Variants in PYGO1 observed in about 807,000 individuals in gnomAD.
The protein encoded by PYGO1 is pygopus homolog 1.
Under a neutral mutation model 29.5 loss-of-function variants are expected in PYGO1, and 6 were observed. That is an observed-to-expected ratio of 0.20 (90% CI 0.11 to 0.40). The LOEUF (loss-of-function observed/expected upper bound fraction) is 0.40, where lower values mean the gene tolerates loss of function less well. PYGO1 is among the 10% of genes least tolerant of loss of function. The probability of loss-of-function intolerance (pLI) is 1.00; values close to 1 mark genes in which losing one functional copy is unlikely to be tolerated. For missense variants in PYGO1, 515 were observed against 514.9 expected (o/e 1.00, Z 0.00); for synonymous variants, 186 against 180.5 (o/e 1.03, Z -0.24).
chr15:55,539,631 CATAAA>C lies in PYGO1; in HGVS notation c.*6387_*6391del, dbSNP rs1449433391. On this transcript the variant is annotated 3_prime_UTR_variant, in exon 3 of 3. Transcript: ENST00000563719. ...CTAACATGTAATACTAAATTTTTAA[CATAAA>C]ATATAGAACTATGAAAATTTTGGGC... is the stretch of plus-strand genomic sequence containing the variant. The C allele has an allele frequency of 1.3e-5, 2 of 151,854 alleles. No homozygotes were observed. Among genetic ancestry groups the C allele is most frequent in the Non-Finnish European group, 2.9e-5 (2 of 67,858 alleles). 9.4% of individuals were successfully genotyped at this position (151,854 alleles called of 1,614,324 possible).
chr15:55,544,383 G>C lies in PYGO1; in HGVS notation c.*1640C>G, dbSNP rs966787105. 2 of 152,036 alleles carry C rather than the reference G, an allele frequency of 1.3e-5. No individual in the cohort carries two copies. The highest frequency in any genetic ancestry group is 4.8e-5 in the African/African-American group (2 of 41,386). 9.4% of individuals were successfully genotyped at this position (152,036 alleles called of 1,614,324 possible). A position where few individuals can be genotyped will look rare whatever the true frequency, so the allele number is the denominator to read the frequency against. ...CGATTGGGGAATGCATTGTTTCTTA[G>C]AAAAAGCTCCAAATGATAGACAGTA... On this transcript the variant is annotated 3_prime_UTR_variant, in exon 3 of 3. Coordinates refer to ENST00000563719, the MANE Select transcript of PYGO1 (RefSeq NM_001367806.1).
At chr15:55,567,845 T>G (rs970680351) in intron 1 of PYGO1, among the ~76,000 whole-genome samples, 7 of 152,192 alleles carry the variant, frequency 4.6e-5, no homozygotes, top group African/African-American at 1.7e-4. Flanking sequence ...CGCCATTTAC[T>G]GGGCCTTTCA....
intron 1 of PYGO1, among the ~76,000 whole-genome samples, chr15:55,576,756 A>G (rs565282951): frequency 2.7e-5 from 4 of 146,936 alleles, no homozygotes; most frequent in Non-Finnish European, 4.5e-5. Flanking sequence ...CCTGGGCGAC[A>G]GATCAAAAAA....
At chr15:55,573,233 G>T (rs1409069966) in intron 1 of PYGO1, among the ~76,000 whole-genome samples, 1 of 152,120 alleles carries the variant, frequency 6.6e-6, no homozygotes, top group Non-Finnish European at 1.5e-5. Flanking sequence ...TTAAGCCTGG[G>T]AGGCAGAGGT....
Position 55,540,949 on chromosome 15 carries a change from C to T in PYGO1, c.*5074G>A, listed in dbSNP as rs2141637349. The T allele has an allele frequency of 6.6e-6, 1 of 152,194 alleles. No homozygotes were observed. The highest frequency in any genetic ancestry group is 2.4e-5 in the African/African-American group (1 of 41,534). 9.4% of individuals were successfully genotyped at this position (152,194 alleles called of 1,614,324 possible). Reference sequence around the variant, plus strand: ...AAGTCACATACATCATGATAAGAAGCAGGACTTTCTTTTATAAAAGATAAT... The same window carrying T: ...AAGTCACATACATCATGATAAGAAGTAGGACTTTCTTTTATAAAAGATAAT... On this transcript the variant is annotated 3_prime_UTR_variant, in exon 3 of 3. Coordinates refer to ENST00000563719, the MANE Select transcript of PYGO1 (RefSeq NM_001367806.1).
In PYGO1 at chr15:55,546,550, C is replaced by T. The variant is rs2058851785; in HGVS notation, c.733G>A (p.Ala245Thr). 1 of 1,613,788 alleles carries T rather than the reference C, an allele frequency of 6.2e-7. No homozygotes were observed. Among genetic ancestry groups the T allele is most frequent in the African/African-American group, 1.3e-5 (1 of 74,822 alleles). ...GAATTTTGATTAGTGTTTTTGGTTG[C>T]TCCTTGAGTAAAGTCTTGTTTTGGG... ...PPPKQDFTQG[A>T]TKNTNQNSSA... The change falls in exon 3 of 3, where the codon GCA becomes ACA. Residue 245 changes from alanine to threonine, a missense_variant. Physicochemically the swap from Ala to Thr is moderately conservative, Grantham distance 58 (BLOSUM62 0). Coordinates refer to ENST00000563719, the MANE Select transcript of PYGO1 (RefSeq NM_001367806.1).
chr15:55,587,379 G>A (rs1337309566), intron 1 of PYGO1, among the ~76,000 whole-genome samples: 1 of 151,494 alleles, frequency 6.6e-6, no homozygotes, highest in East Asian at 2.0e-4. Flanking sequence ...CCGGGGTGGG[G>A]GGGCGAGAAG....
intron 1 of PYGO1, among the ~76,000 whole-genome samples, chr15:55,579,196 T>C (rs980414167): frequency 6.6e-6 from 1 of 152,184 alleles, no homozygotes; most frequent in Non-Finnish European, 1.5e-5. Flanking sequence ...GATTAATAAT[T>C]TGCATGCAGT....
upstream of PYGO1, among the ~76,000 whole-genome samples, chr15:55,588,511 C>G (rs1257056972): frequency 2.7e-5 from 4 of 147,346 alleles, no homozygotes; most frequent in Non-Finnish European, 6.0e-5. Context: ...GCCACCGCCG[C>G]CGCCTCGCGC....
At chr15:55,556,559 T>C (rs945529178) in intron 1 of PYGO1, among the ~76,000 whole-genome samples, 13 of 152,022 alleles carry the variant, frequency 8.6e-5, no homozygotes, top group Non-Finnish European at 2.9e-5. Context: ...AGATCTCAAA[T>C]TACCAAGCTA....
chr15:55,567,809 T>C (rs2141665261), intron 1 of PYGO1, among the ~76,000 whole-genome samples: 1 of 152,328 alleles, frequency 6.6e-6, no homozygotes, highest in Middle Eastern at 3.4e-3. Flanking sequence ...TTCATTCTTC[T>C]ACATATGGAT....
intron 1 of PYGO1, among the ~76,000 whole-genome samples, chr15:55,558,886 A>C (rs538909344): frequency 6.6e-6 from 1 of 152,054 alleles, no homozygotes; most frequent in South Asian, 2.1e-4. Flanking sequence ...AATCCCTAGA[A>C]GAAAACCTAG....
At chr15:55,547,234 G>T in intron 2 of PYGO1, 87 bp from the exon 3 acceptor site, 1 of 1,182,890 alleles carries the variant, frequency 8.5e-7, no homozygotes, top group Non-Finnish European at 1.1e-6. Context: ...TGTGAACCTA[G>T]TATTAGTCAA....
intron 1 of PYGO1, among the ~76,000 whole-genome samples, chr15:55,580,517 A>G (rs927468785): frequency 2.6e-5 from 4 of 152,250 alleles, no homozygotes; most frequent in South Asian, 2.1e-4. Context: ...TAAGTGGTTC[A>G]TACATATTAA....
At chr15:55,562,849 A>C (rs1469558633) in intron 1 of PYGO1, among the ~76,000 whole-genome samples, 1 of 152,174 alleles carries the variant, frequency 6.6e-6, no homozygotes, top group Non-Finnish European at 1.5e-5. Context: ...ACATGGATGG[A>C]GCTAGAAGCT....
chr15:55,568,819 A>G (rs2058968369), intron 1 of PYGO1, among the ~76,000 whole-genome samples: 2 of 152,128 alleles, frequency 1.3e-5, no homozygotes, highest in African/African-American at 2.4e-5. Context: ...GATTTTATCA[A>G]AAGCTTTTTT....
intron 2 of PYGO1, among the ~76,000 whole-genome samples, 193 bp downstream of exon 2, chr15:55,548,707 TAAAAAAAAAA>T (rs60796044): frequency 4.2e-4 from 23 of 55,416 alleles, no homozygotes; most frequent in African/African-American, 1.2e-3. Context: ...AGAATCCACC[TAAAAAAAAAA>T]AAAAAAAAAA....
rs1356983867 is a variant in PYGO1, at chr15:55,587,985, G to A, written c.-102C>T. 1.3e-5 allele frequency: 18 copies of A among 1,410,086 alleles called. No individual in the cohort carries two copies. Among genetic ancestry groups the A allele is most frequent in the Non-Finnish European group, 1.5e-5 (16 of 1,075,732 alleles). The allele number at this position is 1,410,086 out of a possible 1,614,324, so 87.3% of individuals were successfully genotyped here. On this transcript the variant is annotated 5_prime_UTR_variant, in exon 1 of 3. Coordinates refer to ENST00000563719, the MANE Select transcript of PYGO1 (RefSeq NM_001367806.1). ...CCTCGCGGGGCCGCTGCGGCTGCGAGGCAAGCCTCGGAGCCGAGGCACGGC... is the reference window on the plus strand; with the variant it reads ...CCTCGCGGGGCCGCTGCGGCTGCGAAGCAAGCCTCGGAGCCGAGGCACGGC...
rs2058861462 is a variant in PYGO1 at position 55,548,245 on chromosome 15, C to T, written c.135+665G>A. ...ATGTTGGCCAGTCTGGTCTCGAACTCCTGGCCTCAAGTAATCCACCCACCT... is the reference window on the plus strand; with the variant it reads ...ATGTTGGCCAGTCTGGTCTCGAACTTCTGGCCTCAAGTAATCCACCCACCT... On this transcript the variant is annotated intron_variant, in intron 2 of 2. Transcript: ENST00000563719. Among the ~76,000 whole-genome samples, 5 of 151,886 alleles carry T rather than the reference C, an allele frequency of 3.3e-5. No individual in the cohort carries two copies. In the South Asian group the frequency reaches 1.0e-3, roughly 32 times the overall value.
Sources: allele counts gnomAD v4.1 joint callset (sites outside exome capture counted in the v4.1 genomes callset), GRCh38; gene constraint gnomAD v4.1.1; transcripts MANE v1.5; gene names NCBI Gene and HGNC (gene_info 2026-07-23, HGNC 2026-07-21).